TIPRL: variants seen among roughly 807,000 people sequenced by gnomAD.
The protein encoded by TIPRL is TOR signaling pathway regulator.
Under a neutral mutation model 32.3 loss-of-function variants are expected in TIPRL, and 10 were observed. The ratio of observed to expected loss-of-function variants is 0.31; its 90% confidence interval spans 0.19 to 0.52. The LOEUF is 0.52. Among genes scored for constraint, TIPRL ranks in the 20% least tolerant of loss-of-function variants. The pLI is 0.96. For missense variants in TIPRL, 250 were observed against 328.1 expected (o/e 0.76, Z 1.84); for synonymous variants, 100 against 114.0 (o/e 0.88, Z 0.78).
intron 3 of TIPRL, among the ~76,000 whole-genome samples, chr1:168,187,204 C>T (rs1195568520): frequency 6.6e-6 from 1 of 152,192 alleles, no homozygotes; most frequent in Admixed American, 6.5e-5. Context: ...TTAGTGTTCT[C>T]CTCCCTCCTC....
intron 4 of TIPRL, among the ~76,000 whole-genome samples, chr1:168,193,508 A>G (rs556872570): frequency 7.2e-4 from 110 of 152,148 alleles, no homozygotes; most frequent in African/African-American, 2.4e-3. Context: ...GTATCTTTCC[A>G]CTTGTCTACC....
intron 3 of TIPRL, among the ~76,000 whole-genome samples, chr1:168,186,757 C>A (rs1017650515): frequency 3.9e-5 from 6 of 152,058 alleles, no homozygotes; most frequent in African/African-American, 1.4e-4. Flanking sequence ...TTGCTTGAAC[C>A]CAGGAGGCAG....
chr1:168,197,931 TACTC>T lies in TIPRL; in HGVS notation c.613-986_613-983del, dbSNP rs200600716. The stretch of plus-strand genomic sequence containing the variant: ...AATCTACTAATATTAATTGGGCAAT[TACTC>T]AGAGTTATACGTACATGAATATTCA... On this transcript the variant is annotated intron_variant, in intron 5 of 6. Transcript: ENST00000367833. 1.7e-4 allele frequency among the ~76,000 whole-genome samples: 26 copies of T among 152,328 alleles called. No homozygotes were observed. The East Asian group carries it at 5.0e-3, about 29-fold the overall frequency.
intron 1 of TIPRL, 35 bp from the exon 2 acceptor site, chr1:168,183,867 T>C: frequency 2.5e-6 from 4 of 1,587,954 alleles, no homozygotes; most frequent in Non-Finnish European, 2.6e-6. Context: ...AACAGCGATA[T>C]AAAATTATCT....
At chr1:168,196,687 G>A (rs1414069734) in intron 5 of TIPRL, 45 bp downstream of exon 5, 1 of 1,324,726 alleles carries the variant, frequency 7.5e-7, no homozygotes, top group Non-Finnish European at 1.0e-6. Context: ...TACTGGGCTT[G>A]TTTGTGTTGT....
In TIPRL at chr1:168,200,096, T is replaced by C. The variant is rs766015993; in HGVS notation, c.*50T>C. On this transcript the variant is annotated 3_prime_UTR_variant, in exon 7 of 7. Transcript: ENST00000367833. ...ATGGAATCTGACTGGACACCTTGGC[T>C]ATTTGTAAGGGGTTATTTTTATTAT... 6.3e-7 allele frequency: 1 copy of C among 1,579,584 alleles called. No homozygotes were observed.
chr1:168,181,390 T>C (rs992655086), intron 1 of TIPRL, among the ~76,000 whole-genome samples: 1 of 151,272 alleles, frequency 6.6e-6, no homozygotes, highest in African/African-American at 2.4e-5. Context: ...TTTGTATTTT[T>C]AGTAGAGATG....
At chr1:168,191,858 C>CAAAAAAAAAAAAAAA (rs60988834) in intron 4 of TIPRL, among the ~76,000 whole-genome samples, 1 of 38,902 alleles carries the variant, frequency 2.6e-5, no homozygotes, top group Non-Finnish European at 5.6e-5. Context: ...GGCGACAGAG[C>CAAAAAAAAAAAAAAA]AAAAAAAAAA....
intron 2 of TIPRL, 114 bp from the exon 3 acceptor site, chr1:168,184,663 AGT>A: frequency 2.8e-6 from 2 of 718,290 alleles, no homozygotes; most frequent in East Asian, 2.8e-5. Context: ...AATTATAACA[AGT>A]GTATATATTT....
intron 1 of TIPRL, among the ~76,000 whole-genome samples, chr1:168,182,878 T>G (rs903927558): frequency 6.6e-6 from 1 of 152,212 alleles, no homozygotes; most frequent in African/African-American, 2.4e-5. Flanking sequence ...GTTTATTGTA[T>G]CTAATCTTTT....
Position 168,200,178 on chromosome 1 carries a change from A to G in TIPRL, c.*132A>G, listed in dbSNP as rs970042521. Reference sequence around the variant, plus strand: ...TTCTGTAGCCTTAAAGGAAAAAAAAATAAAGATCGTTACAGGCAGGTTTCA... The same window carrying G: ...TTCTGTAGCCTTAAAGGAAAAAAAAGTAAAGATCGTTACAGGCAGGTTTCA... On this transcript the variant is annotated 3_prime_UTR_variant, in exon 7 of 7. Coordinates refer to ENST00000367833, the MANE Select transcript of TIPRL (RefSeq NM_152902.5). The G allele has an allele frequency of 6.0e-6, 6 of 993,980 alleles. No individual in the cohort carries two copies. The highest frequency in any genetic ancestry group is 8.5e-6 in the Non-Finnish European group (6 of 708,208). The allele number at this position is 993,980 out of a possible 1,614,324, so 61.6% of individuals were successfully genotyped here.
At chr1:168,189,790 A>G (rs1700069521) in intron 3 of TIPRL, among the ~76,000 whole-genome samples, 1 of 152,254 alleles carries the variant, frequency 6.6e-6, no homozygotes. Flanking sequence ...AGACAATAGC[A>G]TAAATAAGTT....
intron 4 of TIPRL, 136 bp from the exon 5 acceptor site, chr1:168,196,411 G>A: frequency 5.8e-6 from 3 of 516,932 alleles, no homozygotes; most frequent in Middle Eastern, 5.3e-4. Flanking sequence ...TTCTAGTTGA[G>A]AGATTTTTAT....
rs187813072 is a variant in TIPRL at position 168,185,011 on chromosome 1, C to A, written c.384+133C>A. The A allele has an allele frequency of 3.4e-5, 19 of 563,206 alleles. No individual in the cohort carries two copies. In the East Asian group the frequency reaches 4.7e-4, roughly 14 times the overall value. 34.9% of individuals were successfully genotyped at this position (563,206 alleles called of 1,614,324 possible). A position where few individuals can be genotyped will look rare whatever the true frequency, so the allele number is the denominator to read the frequency against. On this transcript the variant is annotated intron_variant, in intron 3 of 6. Transcript: ENST00000367833. The stretch of plus-strand genomic sequence containing the variant: ...TTTTCTGTTGTGGCATTCCTCAGAA[C>A]CTAATGTGAGGGGGTTTTGCTTGTT...
In TIPRL at chr1:168,200,284, A is replaced by G. The variant is rs373862549; in HGVS notation, c.*238A>G. ...CTGGAGTTAAATTTGGATGATTTCT[A>G]AATTATCACAAAGTGGGACCTCAGC... is the stretch of plus-strand genomic sequence containing the variant. On this transcript the variant is annotated 3_prime_UTR_variant, in exon 7 of 7. Transcript: ENST00000367833. 5.1e-5 allele frequency: 21 copies of G among 410,922 alleles called. No individual in the cohort carries two copies. The highest frequency in any genetic ancestry group is 1.4e-4 in the East Asian group (3 of 21,610). The allele number at this position is 410,922 out of a possible 1,614,324, so 25.5% of individuals were successfully genotyped here.
At chr1:168,191,950 A>G (rs1191805639) in intron 4 of TIPRL, among the ~76,000 whole-genome samples, 2 of 151,828 alleles carry the variant, frequency 1.3e-5, no homozygotes, top group Non-Finnish European at 2.9e-5. Context: ...CTTATTGAAT[A>G]TCCATTATAA....
intron 3 of TIPRL, among the ~76,000 whole-genome samples, chr1:168,186,307 C>T (rs1335845640): frequency 1.3e-5 from 2 of 151,616 alleles, no homozygotes; most frequent in African/African-American, 2.4e-5. Context: ...ACCAGCTTGG[C>T]CAACATAGTG....
At chr1:168,196,822 C>T (rs547236575) in intron 5 of TIPRL, among the ~76,000 whole-genome samples, 180 bp downstream of exon 5, 18 of 152,214 alleles carry the variant, frequency 1.2e-4, no homozygotes, top group Non-Finnish European at 1.8e-4. Context: ...ATTACATTTC[C>T]TTTTACAAAG....
rs766201059 is a variant in TIPRL at position 168,179,194 on chromosome 1, G to A, written c.104+13G>A. ...CGGATGTGGAGAAGTGAGGCTTCGGGGCACGGGGTCTGGGCGCTGGCCGGT... is the reference window on the plus strand; with the variant it reads ...CGGATGTGGAGAAGTGAGGCTTCGGAGCACGGGGTCTGGGCGCTGGCCGGT... On this transcript the variant is annotated intron_variant, in intron 1 of 6. Coordinates refer to ENST00000367833, the MANE Select transcript of TIPRL (RefSeq NM_152902.5). 8 of 1,613,092 alleles carry A rather than the reference G, an allele frequency of 5.0e-6. No individual in the cohort carries two copies. The highest frequency in any genetic ancestry group is 2.2e-5 in the South Asian group (2 of 91,010).
Sources: gnomAD v4.1 joint callset for allele counts (sites outside exome capture counted in the v4.1 genomes callset) on GRCh38, gnomAD v4.1.1 for gene constraint, MANE v1.5 for transcripts, NCBI Gene and HGNC (gene_info 2026-07-23, HGNC 2026-07-21) for gene names.